The following ZNF618 variants were observed in gnomAD, a reference collection of about 807,000 sequenced individuals.
ZNF618 encodes the protein zinc finger protein 618, also known as neural precursor cell expressed, developmentally down-regulated 10.
In ZNF618, 34 loss-of-function variants were observed where a neutral mutation model predicts 103.0. The ratio of observed to expected loss-of-function variants is 0.33; its 90% confidence interval spans 0.25 to 0.44. The LOEUF is 0.44. Among genes scored for constraint, ZNF618 ranks in the 20% least tolerant of loss-of-function variants. The probability of loss-of-function intolerance (pLI) is 1.00; values close to 1 mark genes in which losing one functional copy is unlikely to be tolerated. For synonymous variants in ZNF618, 551 were observed against 542.2 expected, an observed-to-expected ratio of 1.02 and a Z score of -0.23; for missense variants, 1,059 against 1,295.4, an observed-to-expected ratio of 0.82 and a Z score of 2.80.
chr9:114,048,596 C>T (rs1845862585), intron 14 of ZNF618, 55 bp from the exon 15 acceptor site: 3 of 1,544,848 alleles, frequency 1.9e-6, no homozygotes, highest in South Asian at 2.5e-5. Flanking sequence ...TACTGCCACT[C>T]CAAGCAGCCT....
chr9:113,958,916 G>C (rs752603212), intron 1 of ZNF618, among the ~76,000 whole-genome samples: 1 of 152,218 alleles, frequency 6.6e-6, no homozygotes, highest in Non-Finnish European at 1.5e-5. Flanking sequence ...TGGAGCCCCT[G>C]ATGGCAGGTG....
At chr9:113,965,238 T>G (rs1837285566) in intron 1 of ZNF618, among the ~76,000 whole-genome samples, 1 of 152,164 alleles carries the variant, frequency 6.6e-6, no homozygotes, top group Admixed American at 6.5e-5. Context: ...GTTTCTGCCA[T>G]TTGCACAAAA....
intron 1 of ZNF618, among the ~76,000 whole-genome samples, chr9:113,962,208 G>C (rs558763311): frequency 6.6e-6 from 1 of 152,210 alleles, no homozygotes; most frequent in South Asian, 2.1e-4. Flanking sequence ...TGGTGCTAAG[G>C]CCCATGATTT....
chr9:113,885,332 A>G (rs1828961977), intron 1 of ZNF618, among the ~76,000 whole-genome samples: 1 of 152,252 alleles, frequency 6.6e-6, no homozygotes, highest in Admixed American at 6.5e-5. Flanking sequence ...CAGGAATGAC[A>G]TAAGATAACA....
At chr9:113,966,357 C>T (rs1399769734) in intron 1 of ZNF618, among the ~76,000 whole-genome samples, 1 of 152,180 alleles carries the variant, frequency 6.6e-6, no homozygotes, top group African/African-American at 2.4e-5. Flanking sequence ...TAACTCTAAA[C>T]TCTGTTCTCT....
At chr9:113,888,864 A>G (rs771905888) in intron 1 of ZNF618, among the ~76,000 whole-genome samples, 1 of 152,188 alleles carries the variant, frequency 6.6e-6, no homozygotes, top group Non-Finnish European at 1.5e-5. Flanking sequence ...GGAAGTATAA[A>G]CAGCTGAGGT....
chr9:113,878,180 G>C (rs1447710637), intron 1 of ZNF618, among the ~76,000 whole-genome samples: 2 of 24,578 alleles, frequency 8.1e-5, no homozygotes, highest in Non-Finnish European at 1.8e-4. Flanking sequence ...TGGGGGGTTT[G>C]TGACCAAAAA....
chr9:114,045,891 AG>A (rs1845609447), intron 13 of ZNF618, among the ~76,000 whole-genome samples: 1 of 151,842 alleles, frequency 6.6e-6, no homozygotes, highest in South Asian at 2.1e-4. Flanking sequence ...TCATTTACTT[AG>A]GTCTTATTTG....
At chr9:113,909,037 A>C (rs1269278508) in intron 1 of ZNF618, among the ~76,000 whole-genome samples, 1 of 151,850 alleles carries the variant, frequency 6.6e-6, no homozygotes, top group African/African-American at 2.4e-5. Flanking sequence ...TTAGTGGCCA[A>C]GTCATTGCTG....
At chr9:113,944,789 T>G (rs1340631901) in intron 1 of ZNF618, among the ~76,000 whole-genome samples, 4 of 152,248 alleles carry the variant, frequency 2.6e-5, no homozygotes, top group African/African-American at 9.6e-5. Context: ...ATTAAGGTAT[T>G]ACACATTTTT....
chr9:114,023,240 G>A (rs1395274024), intron 10 of ZNF618, among the ~76,000 whole-genome samples: 1 of 151,712 alleles, frequency 6.6e-6, no homozygotes, highest in East Asian at 1.9e-4. Context: ...TATTAATCAA[G>A]TATTTTTTAA....
intron 1 of ZNF618, among the ~76,000 whole-genome samples, chr9:113,950,405 A>T (rs1470833057): frequency 6.6e-6 from 1 of 152,166 alleles, no homozygotes; most frequent in African/African-American, 2.4e-5. Context: ...TGTTGGAAGA[A>T]GTAGCATTTC....
chr9:113,955,675 T>TA (rs921369749), intron 1 of ZNF618, among the ~76,000 whole-genome samples: 4 of 149,892 alleles, frequency 2.7e-5, no homozygotes, highest in East Asian at 2.0e-4. Flanking sequence ...TTTCTCTCTT[T>TA]AAAAAAAAAA....
intron 1 of ZNF618, 57 bp downstream of exon 1, chr9:113,876,470 C>T (rs1363513335): frequency 3.6e-5 from 42 of 1,155,056 alleles, no homozygotes; most frequent in South Asian, 8.6e-5. Flanking sequence ...GGCCGGGGCC[C>T]GGGGCGCTGC....
chr9:113,914,552 A>G (rs555638066), intron 1 of ZNF618, among the ~76,000 whole-genome samples: 96 of 152,338 alleles, frequency 6.3e-4, no homozygotes, highest in African/African-American at 2.2e-3. Context: ...GACCTTTCCA[A>G]AAGATTTGCT....
chr9:113,929,676 T>A (rs1182354888), intron 1 of ZNF618, among the ~76,000 whole-genome samples: 1 of 152,196 alleles, frequency 6.6e-6, no homozygotes, highest in Non-Finnish European at 1.5e-5. Context: ...AGGTCTGAAA[T>A]GTGCTCTCTG....
At chr9:113,981,809 T>A (rs1291928105) in intron 2 of ZNF618, among the ~76,000 whole-genome samples, 1 of 152,242 alleles carries the variant, frequency 6.6e-6, no homozygotes, top group African/African-American at 2.4e-5. Context: ...TGGCCATGCC[T>A]TTCCTTCACC....
chr9:114,005,614 G>A lies in ZNF618; in HGVS notation c.551-1736G>A, dbSNP rs147583941. Among the ~76,000 whole-genome samples, 45 of 152,332 alleles carry A rather than the reference G, an allele frequency of 3.0e-4. 1 individual carries two copies. The East Asian group carries it at 7.7e-3, about 26-fold the overall frequency. On this transcript the variant is annotated intron_variant, in intron 6 of 14. Transcript: ENST00000374126. ...GTCAGCTTAGGAGAGGAATGTCAAG[G>A]CAGAGCCCAGTCTGGAACCAGACCC...
rs567642407 is a variant in ZNF618, at chr9:114,049,283, G to C, written c.1981G>C (p.Val661Leu). 1 of 1,612,386 alleles carries C rather than the reference G, an allele frequency of 6.2e-7. No individual in the cohort carries two copies. Among genetic ancestry groups the C allele is most frequent in the African/African-American group, 1.3e-5 (1 of 75,062 alleles). Residue 661 changes from valine (V) to leucine (L), a missense_variant, in exon 15 of 15, where the codon GTC becomes CTC. Physicochemically the swap from Val to Leu is conservative, Grantham distance 32 (BLOSUM62 1). Coordinates refer to ENST00000374126, the MANE Select transcript of ZNF618 (RefSeq NM_001318042.2). ...RTLQARSMHE[V>L]IELLNVCEDL... is the part of the protein sequence containing the mutation. The stretch of plus-strand genomic sequence containing the variant: ...ACTGCAGGCCCGCAGCATGCACGAG[G>C]TCATCGAGCTGCTCAACGTGTGCGA...
Sources: gnomAD v4.1 joint callset for allele counts (sites outside exome capture counted in the v4.1 genomes callset) on GRCh38, gnomAD v4.1.1 for gene constraint, MANE v1.5 for transcripts, NCBI Gene and HGNC (gene_info 2026-07-23, HGNC 2026-07-21) for gene names.